Variants in IFT80 observed in about 807,000 individuals in gnomAD.
IFT80 encodes intraflagellar transport protein 80 homolog.
Under a neutral mutation model 107.9 loss-of-function variants are expected in IFT80, and 79 were observed. The ratio of observed to expected loss-of-function variants is 0.73; its 90% CI spans 0.61 to 0.88. IFT80 has a LOEUF of 0.88. Ranked by LOEUF, IFT80 falls within the 40% of genes least tolerant of loss-of-function variation. The pLI is 0.00. For synonymous variants in IFT80, 299 were observed against 300.9 expected, an observed-to-expected ratio of 0.99 and a Z score of 0.07; for missense variants, 797 against 914.2, an observed-to-expected ratio of 0.87 and a Z score of 1.65.
intron 2 of IFT80, chr3:160,383,530 G>A (rs1460655225): frequency 1.3e-6 from 1 of 769,654 alleles, no homozygotes; most frequent in Admixed American, 6.3e-5. Context: ...ATTGCATATG[G>A]ATATTTCGTA....
intron 9 of IFT80, among the ~76,000 whole-genome samples, chr3:160,316,356 TA>T: frequency 6.6e-6 from 1 of 152,286 alleles, no homozygotes; most frequent in South Asian, 2.1e-4. Flanking sequence ...AGCCTTCAGA[TA>T]AAACTAAAGT....
intron 1 of IFT80, among the ~76,000 whole-genome samples, chr3:160,397,798 C>A (rs1262575580): frequency 6.6e-6 from 1 of 150,568 alleles, no homozygotes; most frequent in Non-Finnish European, 1.5e-5. Context: ...CTCGGCTCAC[C>A]GCAACCTCCG....
Position 160,375,869 on chromosome 3 carries a change from C to G in IFT80, c.382G>C (p.Gly128Arg). The change falls in exon 5 of 20, where the codon GGA (glycine) becomes CGA (arginine). Residue 128 changes from glycine to arginine, a missense_variant. By Grantham distance (125) the Gly-to-Arg change is moderately radical (BLOSUM62 -2). Transcript: ENST00000326448. ...GTCTTTGACCAAATTTTTATTTGTC[C>G]ATCTTCTCCAACTATACAGGGAAAA... ...GTALVTVGEDGQIKIWSKTGM... is the reference protein window; with the variant it reads ...GTALVTVGEDRQIKIWSKTGM... 6.2e-7 allele frequency: 1 copy of G among 1,605,538 alleles called. No homozygotes were observed. The highest frequency in any genetic ancestry group is 8.5e-7 in the Non-Finnish European group (1 of 1,173,064).
At chr3:160,302,855 A>G (rs1264114281) in intron 11 of IFT80, among the ~76,000 whole-genome samples, 1 of 152,196 alleles carries the variant, frequency 6.6e-6, no homozygotes, top group East Asian at 1.9e-4. Flanking sequence ...AAGGTCATCA[A>G]TATGGTGATC....
At chr3:160,316,033 G>T (rs776743224) in intron 9 of IFT80, among the ~76,000 whole-genome samples, 1 of 152,074 alleles carries the variant, frequency 6.6e-6, no homozygotes, top group Non-Finnish European at 1.5e-5. Flanking sequence ...ATTTAATGTG[G>T]TTTGGACCTA....
At chr3:160,394,527 T>G (rs930273192) in intron 1 of IFT80, among the ~76,000 whole-genome samples, 1 of 152,170 alleles carries the variant, frequency 6.6e-6, no homozygotes, top group African/African-American at 2.4e-5. Context: ...GTATTTACAT[T>G]TCCTTGAAAT....
intron 8 of IFT80, among the ~76,000 whole-genome samples, chr3:160,328,986 C>A (rs1384873516): frequency 2.6e-5 from 4 of 151,896 alleles, no homozygotes; most frequent in Non-Finnish European, 4.4e-5. Flanking sequence ...CACACTGGGT[C>A]CTACTGGAGG....
chr3:160,270,002 G>A (rs1369554468), intron 18 of IFT80, among the ~76,000 whole-genome samples: 3 of 151,828 alleles, frequency 2.0e-5, no homozygotes, highest in Non-Finnish European at 2.9e-5. Flanking sequence ...CTTTGGTTTG[G>A]CTTACTATTT....
intron 10 of IFT80, among the ~76,000 whole-genome samples, chr3:160,306,927 G>C (rs1716870283): frequency 6.6e-6 from 1 of 152,086 alleles, no homozygotes; most frequent in Admixed American, 6.6e-5. Context: ...GACACATATA[G>C]TCTCCATCCT....
At chr3:160,359,742 C>G (rs1045708267) in intron 6 of IFT80, among the ~76,000 whole-genome samples, 9 of 152,230 alleles carry the variant, frequency 5.9e-5, no homozygotes, top group African/African-American at 2.2e-4. Flanking sequence ...CAAACTCCAA[C>G]AGACCTGCAG....
intron 6 of IFT80, among the ~76,000 whole-genome samples, chr3:160,364,096 C>T (rs1221238130): frequency 6.6e-6 from 1 of 152,084 alleles, no homozygotes; most frequent in East Asian, 1.9e-4. Flanking sequence ...AAAATTTTTG[C>T]AATCTACCCA....
At chr3:160,380,721 T>C (rs1712416246) in intron 3 of IFT80, among the ~76,000 whole-genome samples, 1 of 151,892 alleles carries the variant, frequency 6.6e-6, no homozygotes, top group African/African-American at 2.4e-5. Flanking sequence ...AAAAAAATCA[T>C]ACTTGTTATT....
At chr3:160,393,136 C>T (rs539247045) in intron 1 of IFT80, among the ~76,000 whole-genome samples, 2 of 152,210 alleles carry the variant, frequency 1.3e-5, no homozygotes, top group South Asian at 4.1e-4. Flanking sequence ...CCTATCTCAC[C>T]CAGAGATTTA....
chr3:160,359,651 A>G (rs1413637642), intron 6 of IFT80, among the ~76,000 whole-genome samples: 2 of 152,206 alleles, frequency 1.3e-5, no homozygotes, highest in Non-Finnish European at 2.9e-5. Flanking sequence ...TCAGGCAGCA[A>G]TATTTGCTGT....
At chr3:160,327,547 CAACA>C (rs934519326) in intron 8 of IFT80, among the ~76,000 whole-genome samples, 47 of 152,124 alleles carry the variant, frequency 3.1e-4, no homozygotes, top group African/African-American at 1.1e-3. Flanking sequence ...ATCTGATCTT[CAACA>C]AACCTGACAA....
chr3:160,385,326 T>C (rs1712841001), intron 1 of IFT80, among the ~76,000 whole-genome samples: 1 of 151,936 alleles, frequency 6.6e-6, no homozygotes, highest in East Asian at 1.9e-4. Flanking sequence ...AGTTGTTGTA[T>C]AAAAAAAAGA....
intron 8 of IFT80, among the ~76,000 whole-genome samples, chr3:160,335,754 C>G (rs990359576): frequency 1.3e-5 from 2 of 152,102 alleles, no homozygotes; most frequent in Non-Finnish European, 2.9e-5. Context: ...CAACAATCAC[C>G]ACTATCTAAT....
At chr3:160,292,316 C>T (rs1715623122) in intron 12 of IFT80, among the ~76,000 whole-genome samples, 1 of 152,120 alleles carries the variant, frequency 6.6e-6, no homozygotes, top group South Asian at 2.1e-4. Context: ...GAGATATCTT[C>T]CCCAGAGTAA....
chr3:160,343,936 T>C (rs949179415), intron 8 of IFT80: 3 of 182,268 alleles, frequency 1.6e-5, no homozygotes, highest in African/African-American at 2.4e-5. Context: ...TGAAAATAAA[T>C]GAACAAATTA....
Sources: gnomAD v4.1 joint callset for allele counts (sites outside exome capture counted in the v4.1 genomes callset) on GRCh38, gnomAD v4.1.1 for gene constraint, MANE v1.5 for transcripts, NCBI Gene and HGNC (gene_info 2026-07-23, HGNC 2026-07-21) for gene names.